DAB2IP: variants seen among roughly 807,000 people sequenced by gnomAD.
DAB2IP encodes disabled homolog 2-interacting protein.
A neutral mutation model predicts 107.2 loss-of-function variants in DAB2IP; 28 were observed. The ratio of observed to expected loss-of-function variants is 0.26; its 90% CI spans 0.19 to 0.36. DAB2IP has a LOEUF of 0.36. Ranked by LOEUF, DAB2IP falls within the 10% of genes least tolerant of loss-of-function variation. The probability of loss-of-function intolerance (pLI) is 1.00; values close to 1 mark genes in which losing one functional copy is unlikely to be tolerated. For missense variants in DAB2IP, 1,400 were observed against 1,644.7 expected (o/e 0.85, Z 2.57); for synonymous variants, 755 against 706.4 (o/e 1.07, Z -1.09).
chr9:121,674,399 C>T (rs889935536), intron 1 of DAB2IP, among the ~76,000 whole-genome samples: 2 of 152,132 alleles, frequency 1.3e-5, no homozygotes, highest in Admixed American at 6.5e-5. Flanking sequence ...CCTCCAGTTT[C>T]GTATGGAGTG....
At chr9:121,713,571 T>C (rs1457826444) in intron 3 of DAB2IP, among the ~76,000 whole-genome samples, 1 of 152,138 alleles carries the variant, frequency 6.6e-6, no homozygotes. Flanking sequence ...CACTCAACTT[T>C]GGCCAGTAGT....
chr9:121,573,001 A>G (rs1193220895), intron 1 of DAB2IP, among the ~76,000 whole-genome samples: 1 of 152,126 alleles, frequency 6.6e-6, no homozygotes, highest in African/African-American at 2.4e-5. Context: ...TACTGCTGTA[A>G]TAACTGTTTG....
At chr9:121,753,890 C>T (rs1290863181) in intron 3 of DAB2IP, among the ~76,000 whole-genome samples, 1 of 152,132 alleles carries the variant, frequency 6.6e-6, no homozygotes, top group African/African-American at 2.4e-5. Context: ...CTTTGGTACC[C>T]ATCTTCTGCC....
chr9:121,688,943 G>A (rs1250459518), intron 2 of DAB2IP, among the ~76,000 whole-genome samples: 3 of 152,188 alleles, frequency 2.0e-5, no homozygotes, highest in African/African-American at 7.2e-5. Flanking sequence ...TGCCTTGGGA[G>A]GACAGGTCAA....
intron 3 of DAB2IP, chr9:121,751,426 G>A (rs1385039531): frequency 6.5e-6 from 1 of 152,964 alleles, no homozygotes; most frequent in Non-Finnish European, 1.5e-5. Context: ...CCGGGCTTAG[G>A]TAGCGTAGTG....
intron 2 of DAB2IP, among the ~76,000 whole-genome samples, chr9:121,682,234 G>T (rs1828637617): frequency 6.6e-6 from 1 of 152,198 alleles, no homozygotes; most frequent in Non-Finnish European, 1.5e-5. Flanking sequence ...GCTCTGTGTA[G>T]ACCCTCGAGG....
intron 1 of DAB2IP, among the ~76,000 whole-genome samples, chr9:121,631,827 A>AG (rs1164847852): frequency 6.6e-6 from 1 of 150,898 alleles, no homozygotes; most frequent in Non-Finnish European, 1.5e-5. Context: ...AAAAAAAAAA[A>AG]AAAAAAAAAA....
In DAB2IP at chr9:121,676,435, T is replaced by C. The variant is rs76993790; in HGVS notation, c.125-2243T>C. ...ATCTGCATGAATATAAACATGCACA[T>C]GTGTTTGTCTGGGCATTACCGTCTC... On this transcript the variant is annotated intron_variant, in intron 1 of 15. Coordinates refer to ENST00000408936, the Ensembl canonical transcript of DAB2IP. 9.3e-3 allele frequency among the ~76,000 whole-genome samples: 1,419 copies of C among 152,272 alleles called. 20 individuals carry two copies. Among genetic ancestry groups the C allele is most frequent in the African/African-American group, 0.032 (1,334 of 41,542 alleles).
chr9:121,586,933 A>G (rs1006228301), intron 1 of DAB2IP, among the ~76,000 whole-genome samples: 1 of 152,212 alleles, frequency 6.6e-6, no homozygotes, highest in African/African-American at 2.4e-5. Context: ...TAAACTGTAA[A>G]AGCTCAGGAC....
At chr9:121,663,376 C>T (rs1016237852) in intron 1 of DAB2IP, among the ~76,000 whole-genome samples, 1 of 152,154 alleles carries the variant, frequency 6.6e-6, no homozygotes, top group Non-Finnish European at 1.5e-5. Context: ...ATTAGCACCT[C>T]TGCCCCACCT....
At chr9:121,766,690 C>T (rs374667920) in exon 9 of DAB2IP, 1 of 1,614,012 alleles carries the variant, frequency 6.2e-7, no homozygotes, top group Non-Finnish European at 8.5e-7. Flanking sequence ...CACCCTCACC[C>T]TCATCGCCAA....
intron 2 of DAB2IP, among the ~76,000 whole-genome samples, chr9:121,691,836 A>T (rs1291628671): frequency 6.6e-6 from 1 of 152,192 alleles, no homozygotes; most frequent in Non-Finnish European, 1.5e-5. Context: ...AGGTGTGTCA[A>T]ACAGTGGAAT....
At chr9:121,784,842 C>T (rs1189441312) in exon 16 of DAB2IP, 1 of 152,874 alleles carries the variant, frequency 6.5e-6, no homozygotes, top group Non-Finnish European at 1.5e-5. Flanking sequence ...GTAGTGGCCA[C>T]TGGGGTGCCT....
At chr9:121,601,769 A>G (rs1018897951) in intron 1 of DAB2IP, among the ~76,000 whole-genome samples, 1 of 152,130 alleles carries the variant, frequency 6.6e-6, no homozygotes, top group African/African-American at 2.4e-5. Context: ...AGGTTAAGGG[A>G]CTTACCCAAG....
At chr9:121,774,888 T>C (rs1238228139) in intron 13 of DAB2IP, among the ~76,000 whole-genome samples, 1 of 152,100 alleles carries the variant, frequency 6.6e-6, no homozygotes, top group Non-Finnish European at 1.5e-5. Flanking sequence ...ACGGCCTGGC[T>C]CTTCACCCCT....
At chr9:121,763,203 A>G (rs771904630) in intron 6 of DAB2IP, among the ~76,000 whole-genome samples, 5 of 151,910 alleles carry the variant, frequency 3.3e-5, no homozygotes, top group Non-Finnish European at 5.9e-5. Context: ...AAATGAGTCC[A>G]TTCTCTGTGG....
In DAB2IP at chr9:121,760,313, C is replaced by G. The variant is rs762984127; in HGVS notation, c.1044C>G (p.Phe348Leu). ...TGCCCATGGAGATGTACAAAGAGTT[C>G]GCTGAGCACATCACCAACCACTACC... is the stretch of plus-strand genomic sequence containing the variant. The change falls in exon 6 of 16, where the codon TTC becomes TTG. Residue 348 changes from phenylalanine (F) to leucine (L), a missense_variant. Transcript: ENST00000408936. The surrounding 1 kb of genome is among the most constrained non-coding windows in gnomAD (Gnocchi z 5.9). 1 of 1,613,704 alleles carries G rather than the reference C, an allele frequency of 6.2e-7. No individual in the cohort carries two copies. The highest frequency in any genetic ancestry group is 2.2e-5 in the East Asian group (1 of 44,846).
chr9:121,644,357 G>A lies in DAB2IP; in HGVS notation c.41-34321G>A, dbSNP rs775770123. Among the ~76,000 whole-genome samples, 217 of 152,332 alleles carry A rather than the reference G, an allele frequency of 1.4e-3. 4 individuals are homozygous for A. The highest frequency in any genetic ancestry group is 5.9e-4 in the Non-Finnish European group (40 of 68,028). ...CATGCCTGTAATCCCAGCACTTGGG[G>A]AGGCTGAGGCAGGTGGATCACCTGA... On this transcript the variant is annotated intron_variant, in intron 1 of 16. Coordinates refer to the DAB2IP transcript ENST00000259371.
At chr9:121,603,276 G>A (rs1830753594) in intron 1 of DAB2IP, among the ~76,000 whole-genome samples, 1 of 152,210 alleles carries the variant, frequency 6.6e-6, no homozygotes, top group African/African-American at 2.4e-5. Context: ...GAGGCTGCCT[G>A]GCCTGGGCTG....
Sources: allele counts gnomAD v4.1 joint callset (sites outside exome capture counted in the v4.1 genomes callset), GRCh38; gene constraint gnomAD v4.1.1; non-coding constraint Gnocchi (gnomAD v3.1); transcripts MANE v1.5; gene names NCBI Gene and HGNC (gene_info 2026-07-23, HGNC 2026-07-21).